Variants in SLC16A7 observed in about 807,000 individuals in gnomAD.
SLC16A7 encodes the protein monocarboxylate transporter 2.
A neutral mutation model predicts 34.9 loss-of-function variants in SLC16A7; 33 were observed. The ratio of observed to expected loss-of-function variants is 0.94; its 90% confidence interval spans 0.72 to 1.26. The LOEUF (loss-of-function observed/expected upper bound fraction) is 1.26. Ranked by LOEUF, SLC16A7 falls within the 50% of genes most tolerant of loss-of-function variation. The probability of loss-of-function intolerance (pLI) is 0.00; values close to 1 mark genes in which losing one functional copy is unlikely to be tolerated. For missense variants in SLC16A7, 573 were observed against 578.1 expected (o/e 0.99, Z 0.09); for synonymous variants, 201 against 206.6 (o/e 0.97, Z 0.23).
chr12:59,663,502 G>A (rs1213809991), intron 2 of SLC16A7, among the ~76,000 whole-genome samples: 1 of 151,960 alleles, frequency 6.6e-6, no homozygotes, highest in Non-Finnish European at 1.5e-5. Context: ...TCACATTTTA[G>A]TAATTTTACC....
chr12:59,651,171 T>G (rs1372048027), intron 1 of SLC16A7, among the ~76,000 whole-genome samples: 1 of 152,186 alleles, frequency 6.6e-6, no homozygotes, highest in Admixed American at 6.6e-5. Context: ...ACAAATTATA[T>G]TTTTTCAATG....
intron 1 of SLC16A7, among the ~76,000 whole-genome samples, chr12:59,642,165 G>T (rs2137007333): frequency 6.6e-6 from 1 of 152,044 alleles, no homozygotes; most frequent in East Asian, 1.9e-4. Context: ...AAATGAATTT[G>T]CTCTGTTAGC....
intron 1 of SLC16A7, among the ~76,000 whole-genome samples, chr12:59,608,185 T>C (rs1879032932): frequency 1.3e-5 from 2 of 152,218 alleles, no homozygotes. Flanking sequence ...TTTTTCTCTT[T>C]ACCTTGCCTC....
At chr12:59,664,556 T>A (rs553384704) in intron 2 of SLC16A7, 1 of 152,298 alleles carries the variant, frequency 6.6e-6, no homozygotes, top group South Asian at 2.1e-4. Context: ...TAGTACAGTA[T>A]TTTTGCAATA....
At chr12:59,614,054 CTTTT>C (rs373589268) in intron 1 of SLC16A7, among the ~76,000 whole-genome samples, 3 of 136,826 alleles carry the variant, frequency 2.2e-5, no homozygotes, top group Non-Finnish European at 3.2e-5. Context: ...GAATGAGAGC[CTTTT>C]TTTTTTTTTT....
chr12:59,769,394 T>G (rs1036204826), intron 3 of SLC16A7: 4 of 152,172 alleles, frequency 2.6e-5, no homozygotes, highest in Non-Finnish European at 5.9e-5. Context: ...TTTCTTCAGC[T>G]CTTCAGGTGA....
At chr12:59,694,561 TG>T (rs772502842) in intron 2 of SLC16A7, among the ~76,000 whole-genome samples, 56 of 151,900 alleles carry the variant, frequency 3.7e-4, no homozygotes, top group Non-Finnish European at 5.3e-4. Context: ...TCATTCCACA[TG>T]GTTTAAGTGT....
At chr12:59,675,150 C>T (rs1448125214) in intron 2 of SLC16A7, among the ~76,000 whole-genome samples, 1 of 152,202 alleles carries the variant, frequency 6.6e-6, no homozygotes, top group East Asian at 1.9e-4. Context: ...TGAGAGAGGA[C>T]AGGCTCAAAT....
chr12:59,607,621 T>C (rs912830631), intron 1 of SLC16A7, among the ~76,000 whole-genome samples: 2 of 152,164 alleles, frequency 1.3e-5, no homozygotes, highest in Non-Finnish European at 2.9e-5. Flanking sequence ...GAGACTGTTT[T>C]CTCCCCCATG....
At chr12:59,690,136 A>G (rs1052115940) in intron 2 of SLC16A7, among the ~76,000 whole-genome samples, 15 of 152,148 alleles carry the variant, frequency 9.9e-5, no homozygotes, top group Admixed American at 2.0e-4. Flanking sequence ...CTGTAGAGCC[A>G]TATACGTAAT....
rs1379358012 is a variant in SLC16A7 at position 59,704,821 on chromosome 12, C to T, written c.20C>T (p.Ala7Val). MPPMPS[A>V]PPVHPPPDGG... is the part of the protein sequence containing the mutation. ...GCAGAAATGCCACCAATGCCAAGTG[C>T]CCCACCTGTGCATCCACCTCCAGAT... Residue 7 changes from alanine (A) to valine (V), a missense_variant, in exon 3 of 6, where the codon GCC (alanine) becomes GTC (valine). Ala to Val is a moderately conservative substitution (Grantham distance 64). Coordinates refer to ENST00000547379, the MANE Select transcript of SLC16A7 (RefSeq NM_001270623.2). 3 of 1,613,170 alleles carry T rather than the reference C, an allele frequency of 1.9e-6. No individual in the cohort carries two copies. The highest frequency in any genetic ancestry group is 1.1e-5 in the South Asian group (1 of 91,008).
At chr12:59,644,219 A>T (rs1880808775) in intron 1 of SLC16A7, among the ~76,000 whole-genome samples, 1 of 152,160 alleles carries the variant, frequency 6.6e-6, no homozygotes, top group Non-Finnish European at 1.5e-5. Flanking sequence ...ACTATGTGAA[A>T]CTTTGCCGGA....
At chr12:59,773,532 A>C (rs1042776868) in intron 4 of SLC16A7, among the ~76,000 whole-genome samples, 1 of 152,000 alleles carries the variant, frequency 6.6e-6, no homozygotes, top group Non-Finnish European at 1.5e-5. Context: ...AAAACAAGAG[A>C]TAGTTTATAT....
At chr12:59,776,793 G>GTGTT (rs1437479893) in intron 5 of SLC16A7, among the ~76,000 whole-genome samples, 6 of 151,994 alleles carry the variant, frequency 3.9e-5, no homozygotes. Flanking sequence ...TCTAGCACAG[G>GTGTT]TGTTTTAGGT....
chr12:59,736,980 T>C (rs1189500277), intron 3 of SLC16A7, among the ~76,000 whole-genome samples: 1 of 152,216 alleles, frequency 6.6e-6, no homozygotes, highest in African/African-American at 2.4e-5. Flanking sequence ...AAGCAAGCCC[T>C]GAGGTCTTCT....
At chr12:59,772,922 G>T (rs1354031434) in intron 4 of SLC16A7, among the ~76,000 whole-genome samples, 1 of 151,826 alleles carries the variant, frequency 6.6e-6, no homozygotes, top group Non-Finnish European at 1.5e-5. Flanking sequence ...TAAGTGTTTT[G>T]CCCAGTAATA....
chr12:59,641,302 C>T (rs1291901757), intron 1 of SLC16A7, among the ~76,000 whole-genome samples: 2 of 151,902 alleles, frequency 1.3e-5, no homozygotes, highest in African/African-American at 2.4e-5. Flanking sequence ...ATTTGTATTC[C>T]CTACTAGGGC....
intron 2 of SLC16A7, among the ~76,000 whole-genome samples, chr12:59,686,639 C>T (rs1871185289): frequency 6.6e-6 from 1 of 151,668 alleles, no homozygotes; most frequent in Admixed American, 6.6e-5. Flanking sequence ...AATAATAGTA[C>T]CATCGGTTCT....
In SLC16A7 at chr12:59,740,305, C is replaced by T. The variant is rs534298332; in HGVS notation, c.218-30914C>T. Among the ~76,000 whole-genome samples, 210 of 152,102 alleles carry T rather than the reference C, an allele frequency of 1.4e-3. 1 individual carries two copies. The highest frequency in any genetic ancestry group is 6.8e-3 in the Middle Eastern group (2 of 294). ...AGCACCATTTATTAAATAGGGAATC[C>T]TTTCCCCATTGCTTGTTTTTGTCAG... On this transcript the variant is annotated intron_variant, in intron 3 of 5. Coordinates refer to ENST00000547379, the MANE Select transcript of SLC16A7 (RefSeq NM_001270623.2).
Sources: allele counts gnomAD v4.1 joint callset (sites outside exome capture counted in the v4.1 genomes callset), GRCh38; gene constraint gnomAD v4.1.1; transcripts MANE v1.5; gene names NCBI Gene and HGNC (gene_info 2026-07-23, HGNC 2026-07-21).